Variants in ZMPSTE24 observed in about 807,000 individuals in gnomAD.
ZMPSTE24 encodes the protein CAAX prenyl protease 1 homolog.
Under a neutral mutation model 56.7 loss-of-function variants are expected in ZMPSTE24, and 48 were observed. The ratio of observed to expected loss-of-function variants is 0.85; its 90% CI spans 0.67 to 1.08. The LOEUF (loss-of-function observed/expected upper bound fraction) is 1.08. Among genes scored for constraint, ZMPSTE24 ranks in the 50% least tolerant of loss-of-function variants. ZMPSTE24 has a pLI of 0.00. For missense variants in ZMPSTE24, 503 were observed against 548.7 expected (o/e 0.92, Z 0.83); for synonymous variants, 172 against 195.2 (o/e 0.88, Z 0.99).
intron 8 of ZMPSTE24, among the ~76,000 whole-genome samples, chr1:40,290,036 A>G (rs772551128): frequency 1.3e-5 from 2 of 152,150 alleles, no homozygotes; most frequent in Non-Finnish European, 2.9e-5. Context: ...ATAGAAAATG[A>G]TACAGTTTAT....
At chr1:40,281,304 T>G in intron 6 of ZMPSTE24, 39 bp from the exon 7 acceptor site, 1 of 1,610,166 alleles carries the variant, frequency 6.2e-7, no homozygotes, top group Middle Eastern at 1.7e-4. Flanking sequence ...CCCCAAACTT[T>G]TTAATTATAT....
Position 40,292,656 on chromosome 1 carries a change from T to C in ZMPSTE24, c.1415T>C (p.Met472Thr). 1.2e-6 allele frequency: 2 copies of C among 1,613,888 alleles called. No homozygotes were observed. Among genetic ancestry groups the C allele is most frequent in the Non-Finnish European group, 1.7e-6 (2 of 1,179,770 alleles). ...LLERLQALKT[M>T]KQH ...GAGAGACTTCAAGCTTTGAAAACTA[T>C]GAAGCAACACTGAGATGTCCAGGAT... is the stretch of plus-strand genomic sequence containing the variant. Residue 472 changes from methionine to threonine, a missense_variant, in exon 10 of 10, where the codon ATG becomes ACG. By Grantham distance (81) the Met-to-Thr change is moderately conservative. Transcript: ENST00000372759.
intron 2 of ZMPSTE24, 36 bp from the exon 3 acceptor site, chr1:40,267,750 T>A (rs1446349233): frequency 7.0e-7 from 1 of 1,424,964 alleles, no homozygotes; most frequent in Admixed American, 1.7e-5. Flanking sequence ...TTTCTAGTAC[T>A]GTTCAACTGT....
At chr1:40,270,271 T>C in intron 5 of ZMPSTE24, 144 bp downstream of exon 5, 1 of 1,009,910 alleles carries the variant, frequency 9.9e-7, no homozygotes, top group South Asian at 1.4e-5. Flanking sequence ...GTTTCTGCTT[T>C]TGATTGTAGA....
At chr1:40,282,561 C>G (rs1057511702) in intron 7 of ZMPSTE24, among the ~76,000 whole-genome samples, 1 of 152,100 alleles carries the variant, frequency 6.6e-6, no homozygotes, top group Non-Finnish European at 1.5e-5. Flanking sequence ...CCAGGCTGGT[C>G]GAACTGCTGG....
chr1:40,270,241 T>A (rs1643600387), intron 5 of ZMPSTE24, 114 bp downstream of exon 5: 8 of 1,199,352 alleles, frequency 6.7e-6, no homozygotes, highest in Non-Finnish European at 9.8e-6. Flanking sequence ...AAATAGGTGC[T>A]TATATACATT....
At chr1:40,284,450 T>C (rs1375628490) in intron 7 of ZMPSTE24, among the ~76,000 whole-genome samples, 1 of 152,080 alleles carries the variant, frequency 6.6e-6, no homozygotes, top group African/African-American at 2.4e-5. Flanking sequence ...TATTTGCTCC[T>C]TAGTAAGAGA....
chr1:40,282,317 T>G (rs946987593), intron 7 of ZMPSTE24, among the ~76,000 whole-genome samples: 1 of 152,156 alleles, frequency 6.6e-6, no homozygotes, highest in African/African-American at 2.4e-5. Context: ...TTAGCAGAAT[T>G]TAAAGTATCA....
intron 1 of ZMPSTE24, among the ~76,000 whole-genome samples, chr1:40,260,218 A>C (rs1643482325): frequency 6.6e-6 from 1 of 151,178 alleles, no homozygotes; most frequent in Admixed American, 6.6e-5. Context: ...ATACCACCAC[A>C]CTCTGCTAAT....
chr1:40,263,358 G>A (rs1643517445), intron 2 of ZMPSTE24, among the ~76,000 whole-genome samples: 2 of 152,212 alleles, frequency 1.3e-5, no homozygotes, highest in African/African-American at 4.8e-5. Context: ...GAAGTGGAAA[G>A]GATAGGCATT....
rs549995986 is a variant in ZMPSTE24, at chr1:40,267,280, A to G, written c.271-506A>G. Among the ~76,000 whole-genome samples, 98 of 152,122 alleles carry G rather than the reference A, an allele frequency of 6.4e-4. No homozygotes were observed. The South Asian group carries it at 0.012, about 19-fold the overall frequency. On this transcript the variant is annotated intron_variant, in intron 2 of 9. Coordinates refer to ENST00000372759, the MANE Select transcript of ZMPSTE24 (RefSeq NM_005857.5). ...ATGGTTAGTACTCATCTAAATGCAT[A>G]ATTTATGCTAAATGTGAAATAGGTC...
At chr1:40,260,805 A>G (rs1004024759) in intron 1 of ZMPSTE24, 34 bp from the exon 2 acceptor site, 4 of 1,600,704 alleles carry the variant, frequency 2.5e-6, no homozygotes, top group East Asian at 2.2e-5. Flanking sequence ...ATAAACAACT[A>G]TTTCACTAAA....
rs370401377 is a variant in ZMPSTE24 at position 40,290,301 on chromosome 1, C to T, written c.1060-553C>T. 1.2e-4 allele frequency among the ~76,000 whole-genome samples: 18 copies of T among 150,924 alleles called. 1 individual carries two copies. The highest frequency in any genetic ancestry group is 4.0e-4 in the East Asian group (2 of 5,022). Reference sequence around the variant, plus strand: ...TCGGGAGGCTGAGGCAGGGGAATGGCGTGAACATGGGAGGCGGAGCTTGCA... The same window carrying T: ...TCGGGAGGCTGAGGCAGGGGAATGGTGTGAACATGGGAGGCGGAGCTTGCA... On this transcript the variant is annotated intron_variant, in intron 8 of 9. Transcript: ENST00000372759.
Position 40,277,241 on chromosome 1 carries a change from A to G in ZMPSTE24, c.770-4102A>G, listed in dbSNP as rs113632035. 1.8e-3 allele frequency among the ~76,000 whole-genome samples: 273 copies of G among 152,144 alleles called. 2 individuals are homozygous for G. The highest frequency in any genetic ancestry group is 6.3e-3 in the African/African-American group (262 of 41,482). On this transcript the variant is annotated intron_variant, in intron 6 of 9. Transcript: ENST00000372759. ...GCTGGGACTACAGGCGCCCGCCAGC[A>G]CACCCGGCTAATTTTTTTGTATTTT...
intron 9 of ZMPSTE24, 95 bp from the exon 10 acceptor site, chr1:40,292,350 C>T: frequency 8.2e-7 from 1 of 1,226,522 alleles, no homozygotes; most frequent in African/African-American, 1.5e-5. Context: ...TTCCTCTTAT[C>T]CCAAGCCAAA....
At chr1:40,267,217 C>T (rs1643558477) in intron 2 of ZMPSTE24, among the ~76,000 whole-genome samples, 1 of 151,894 alleles carries the variant, frequency 6.6e-6, no homozygotes, top group East Asian at 1.9e-4. Context: ...AGTGTACAGA[C>T]AAAAATGTTA....
Position 40,292,507 on chromosome 1 carries a change from C to T in ZMPSTE24, c.1266C>T (p.Ala422=). 1 of 1,614,108 alleles carries T rather than the reference C, an allele frequency of 6.2e-7. No homozygotes were observed. Among genetic ancestry groups the T allele is most frequent in the South Asian group, 1.1e-5 (1 of 91,052 alleles). Reference sequence around the variant, plus strand: ...TTGAGTTTCAAGCTGATGCATTTGCCAAGAAACTTGGGAAGGCTAAAGACT... The same window carrying T: ...TTGAGTTTCAAGCTGATGCATTTGCTAAGAAACTTGGGAAGGCTAAAGACT... ...RRFEFQADAF[A]KKLGKAKDLY... Residue 422 remains alanine, a synonymous_variant, in exon 10 of 10, where the codon GCC becomes GCT. Transcript: ENST00000372759.
chr1:40,263,894 T>G (rs926403866), intron 2 of ZMPSTE24, among the ~76,000 whole-genome samples: 1 of 152,088 alleles, frequency 6.6e-6, no homozygotes, highest in Non-Finnish European at 1.5e-5. Context: ...CTCACAGATA[T>G]CAATAAAGGG....
chr1:40,263,752 C>T (rs1415964427), intron 2 of ZMPSTE24, among the ~76,000 whole-genome samples: 1 of 143,450 alleles, frequency 7.0e-6, no homozygotes, highest in African/African-American at 2.6e-5. Flanking sequence ...TTTTTTTTGC[C>T]GTAGTACTTT....
Sources: gnomAD v4.1 joint callset for allele counts (sites outside exome capture counted in the v4.1 genomes callset) on GRCh38, gnomAD v4.1.1 for gene constraint, MANE v1.5 for transcripts, NCBI Gene and HGNC (gene_info 2026-07-23, HGNC 2026-07-21) for gene names.